WDR37: variants seen among roughly 807,000 people sequenced by gnomAD.
WDR37 encodes WD repeat-containing protein 37.
Under a neutral mutation model 62.9 loss-of-function variants are expected in WDR37, and 19 were observed. The observed-to-expected ratio is 0.30, with a 90% CI of 0.21 to 0.44. The LOEUF is 0.44. Among genes scored for constraint, WDR37 ranks in the 20% least tolerant of loss-of-function variants. The pLI is 1.00. For missense variants in WDR37, 474 were observed against 657.6 expected (o/e 0.72, Z 3.05); for synonymous variants, 250 against 260.9 (o/e 0.96, Z 0.40).
chr10:1,091,313 T>C (rs2131639475), intron 7 of WDR37, among the ~76,000 whole-genome samples: 1 of 152,352 alleles, frequency 6.6e-6, no homozygotes, highest in Middle Eastern at 3.4e-3. Context: ...GCATTAATAC[T>C]ATTTGTTAGT....
At position 1,129,583 on chromosome 10, in the gene WDR37, G is replaced by A. The variant is rs536725524; in HGVS notation, c.*239G>A. ...GGGTCCTCTGGGCAGTAGAGGCAAAGCTCACCTCCCATGTAGCACATGAAA... is the reference window on the plus strand; with the variant it reads ...GGGTCCTCTGGGCAGTAGAGGCAAAACTCACCTCCCATGTAGCACATGAAA... On this transcript the variant is annotated 3_prime_UTR_variant, in exon 14 of 14. Coordinates refer to ENST00000263150, the MANE Select transcript of WDR37 (RefSeq NM_014023.4). The A allele has an allele frequency of 1.1e-5, 5 of 451,248 alleles. No individual in the cohort carries two copies. Among genetic ancestry groups the A allele is most frequent in the Non-Finnish European group, 1.9e-5 (5 of 256,838 alleles). 28.0% of individuals were successfully genotyped at this position (451,248 alleles called of 1,614,324 possible).
intron 10 of WDR37, among the ~76,000 whole-genome samples, chr10:1,104,072 G>T (rs753818715): frequency 2.0e-5 from 3 of 152,200 alleles, no homozygotes; most frequent in Admixed American, 2.0e-4. Context: ...TGGACATATG[G>T]TAGTTGTATT....
At chr10:1,074,431 T>C in intron 2 of WDR37, 4 of 1,304,208 alleles carry the variant, frequency 3.1e-6, no homozygotes, top group Non-Finnish European at 4.0e-6. Flanking sequence ...TTGGCCTGTG[T>C]CTCCCACGCT....
Position 1,096,242 on chromosome 10 carries a change from C to T in WDR37, c.722C>T (p.Thr241Ile). 1 of 1,614,174 alleles carries T rather than the reference C, an allele frequency of 6.2e-7. No homozygotes were observed. The change falls in exon 9 of 14, where the codon ACT (threonine) becomes ATT (isoleucine). Residue 241 changes from threonine (T) to isoleucine (I), a missense_variant. Transcript: ENST00000263150. ...CCGACACCCCAGCCTGTTGCTGACA[C>T]TAGTGTAAGCACCTTTCCTTACCTG... ...QLPTPQPVADTSISGEDEVEC... is the reference protein window; with the variant it reads ...QLPTPQPVADISISGEDEVEC...
intron 1 of WDR37, among the ~76,000 whole-genome samples, chr10:1,061,378 T>A (rs1171471839): frequency 2.6e-5 from 4 of 152,196 alleles, no homozygotes; most frequent in Admixed American, 2.0e-4. Flanking sequence ...TGATTAAACA[T>A]TTAAATAAGA....
At chr10:1,127,760 G>C (rs74449061) in intron 13 of WDR37, among the ~76,000 whole-genome samples, 72 of 152,042 alleles carry the variant, frequency 4.7e-4, no homozygotes, top group African/African-American at 1.7e-3. Flanking sequence ...GTGGAGGCCC[G>C]TGGGGCCCCG....
chr10:1,066,621 A>G (rs767318929), intron 1 of WDR37, among the ~76,000 whole-genome samples: 7 of 152,268 alleles, frequency 4.6e-5, no homozygotes, highest in Non-Finnish European at 1.5e-5. Flanking sequence ...AAAAGGAAGG[A>G]CAAAGGACTA....
At chr10:1,092,205 G>C (rs997345549) in intron 7 of WDR37, among the ~76,000 whole-genome samples, 1 of 137,132 alleles carries the variant, frequency 7.3e-6, no homozygotes, top group Non-Finnish European at 1.6e-5. Flanking sequence ...AAAAGAAAAT[G>C]ATAGCTTCCT....
chr10:1,085,341 G>A (rs1225802269), intron 6 of WDR37, among the ~76,000 whole-genome samples: 1 of 152,154 alleles, frequency 6.6e-6, no homozygotes, highest in Non-Finnish European at 1.5e-5. Context: ...CCCACAAGTG[G>A]AGTGCAGTTG....
At chr10:1,089,397 C>A (rs1834307864) in intron 7 of WDR37, among the ~76,000 whole-genome samples, 1 of 152,106 alleles carries the variant, frequency 6.6e-6, no homozygotes, top group Non-Finnish European at 1.5e-5. Flanking sequence ...CTGGGGGCCT[C>A]AGGGCTTCCA....
In WDR37 at chr10:1,132,146, A is replaced by C. The variant is rs1835961002; in HGVS notation, c.*2802A>C. ...CAATATGAAATTCATTAAAATGTCC[A>C]TGTTCCATAATTACTATTATAAAAG... On this transcript the variant is annotated 3_prime_UTR_variant, in exon 14 of 14. Coordinates refer to ENST00000263150, the MANE Select transcript of WDR37 (RefSeq NM_014023.4). 6.6e-6 allele frequency: 1 copy of C among 152,620 alleles called. No individual in the cohort carries two copies. The highest frequency in any genetic ancestry group is 2.1e-4 in the South Asian group (1 of 4,834). The allele number at this position is 152,620 out of a possible 1,614,324, so 9.5% of individuals were successfully genotyped here.
At chr10:1,112,097 T>C (rs1398113714) in intron 11 of WDR37, among the ~76,000 whole-genome samples, 1 of 152,174 alleles carries the variant, frequency 6.6e-6, no homozygotes, top group Non-Finnish European at 1.5e-5. Flanking sequence ...ACTCCGTAGA[T>C]TGATGTTTTT....
At chr10:1,099,272 C>T (rs947323026) in intron 9 of WDR37, among the ~76,000 whole-genome samples, 1 of 152,196 alleles carries the variant, frequency 6.6e-6, no homozygotes, top group Non-Finnish European at 1.5e-5. Flanking sequence ...GTGATCTTCC[C>T]ACGTGCTCAG....
At chr10:1,084,589 TC>T (rs779119051) in intron 6 of WDR37, 51 bp downstream of exon 6, 1 of 1,592,406 alleles carries the variant, frequency 6.3e-7, no homozygotes, top group Non-Finnish European at 8.6e-7. Flanking sequence ...CTGTGCTTAA[TC>T]CCTGAGTGAT....
intron 7 of WDR37, among the ~76,000 whole-genome samples, chr10:1,092,872 C>CAAAAAAAAAAAAAAA (rs56220560): frequency 0.012 from 486 of 41,952 alleles, 28 homozygotes; most frequent in East Asian, 0.016. Flanking sequence ...CCCTATCTCA[C>CAAAAAAAAAAAAAAA]AAAAAAAAAA....
At chr10:1,108,587 C>G (rs1349387450) in intron 11 of WDR37, among the ~76,000 whole-genome samples, 1 of 152,188 alleles carries the variant, frequency 6.6e-6, no homozygotes, top group Non-Finnish European at 1.5e-5. Flanking sequence ...CTCATTGTTA[C>G]GCTGAGTCCT....
chr10:1,095,180 T>G (rs1238035056), intron 8 of WDR37, among the ~76,000 whole-genome samples: 2 of 138,496 alleles, frequency 1.4e-5, no homozygotes, highest in African/African-American at 2.8e-5. Context: ...AGGGGAGAGT[T>G]AGACTGGGAA....
chr10:1,096,878 A>G (rs1208933062), intron 9 of WDR37, among the ~76,000 whole-genome samples: 1 of 152,178 alleles, frequency 6.6e-6, no homozygotes, highest in Non-Finnish European at 1.5e-5. Flanking sequence ...AGGAAAGGGG[A>G]GAGCTGGAGA....
chr10:1,079,535 T>G (rs1247825820), intron 3 of WDR37, among the ~76,000 whole-genome samples: 1 of 151,874 alleles, frequency 6.6e-6, no homozygotes, highest in Non-Finnish European at 1.5e-5. Context: ...AATGGTTTCT[T>G]TCTTTCTTTT....
Sources: gnomAD v4.1 joint callset for allele counts (sites outside exome capture counted in the v4.1 genomes callset) on GRCh38, gnomAD v4.1.1 for gene constraint, MANE v1.5 for transcripts, NCBI Gene and HGNC (gene_info 2026-07-23, HGNC 2026-07-21) for gene names.